The following PRKAG2 variants were observed in gnomAD, a reference collection of about 807,000 sequenced individuals.
PRKAG2 encodes protein kinase AMP-activated non-catalytic subunit gamma 2, also known as 5'-AMP-activated protein kinase subunit gamma-2.
Under a neutral mutation model 69.6 loss-of-function variants are expected in PRKAG2, and 26 were observed. The observed-to-expected ratio is 0.37, with a 90% CI of 0.27 to 0.52. PRKAG2 has a LOEUF of 0.52. Among genes scored for constraint, PRKAG2 ranks in the 20% least tolerant of loss-of-function variants. The pLI, the probability that PRKAG2 is intolerant of heterozygous loss-of-function variation, is 0.90. For synonymous variants in PRKAG2, 293 were observed against 285.0 expected (o/e 1.03, Z -0.28); for missense variants, 557 against 740.0 (o/e 0.75, Z 2.87).
Position 151,807,496 on chromosome 7 carries a change from C to G in PRKAG2, c.115-20955G>C. Reference sequence around the variant, plus strand: ...CCATGGCGTGTTACACCTATCAGATCGGGCACACTGCCCCTTCTTCCCAAC... The same window carrying G: ...CCATGGCGTGTTACACCTATCAGATGGGGCACACTGCCCCTTCTTCCCAAC... On this transcript the variant is annotated intron_variant, in intron 1 of 15. Transcript: ENST00000287878. The surrounding 1 kb of genome is among the most constrained non-coding windows in gnomAD (Gnocchi z 4.4). The G allele has an allele frequency of 2.2e-6, 1 of 457,866 alleles. No individual in the cohort carries two copies. Among genetic ancestry groups the G allele is most frequent in the Non-Finnish European group, 4.4e-6 (1 of 226,982 alleles). 28.4% of individuals were successfully genotyped at this position (457,866 alleles called of 1,614,324 possible). A position where few individuals can be genotyped will look rare whatever the true frequency, so the allele number is the denominator to read the frequency against.
intron 4 of PRKAG2, among the ~76,000 whole-genome samples, chr7:151,664,218 TG>T (rs1830708705): frequency 6.6e-6 from 1 of 152,194 alleles, no homozygotes; most frequent in Admixed American, 6.5e-5. Context: ...CCAGCTGCCT[TG>T]GTTCAAATCT....
chr7:151,865,252 C>A (rs114993348), intron 1 of PRKAG2, among the ~76,000 whole-genome samples: 1 of 152,340 alleles, frequency 6.6e-6, no homozygotes, highest in Non-Finnish European at 1.5e-5. Flanking sequence ...CCCAGTTGTC[C>A]CCGCGGCTCG....
intron 15 of PRKAG2, 73 bp downstream of exon 15, chr7:151,560,451 A>C: frequency 1.2e-6 from 2 of 1,612,966 alleles, no homozygotes; most frequent in Non-Finnish European, 1.7e-6. Flanking sequence ...TGATGGTTTA[A>C]ATGCTGCACT....
chr7:151,711,057 G>A (rs1795224114), intron 3 of PRKAG2, among the ~76,000 whole-genome samples: 1 of 152,098 alleles, frequency 6.6e-6, no homozygotes, highest in Admixed American at 6.5e-5. Flanking sequence ...AGTACTGAGA[G>A]TGCTAGACTT....
chr7:151,557,316 C>T (rs1422323052), intron 15 of PRKAG2, 84 bp from the exon 16 acceptor site: 1 of 1,612,574 alleles, frequency 6.2e-7, no homozygotes, highest in East Asian at 2.2e-5. Flanking sequence ...CTGTGTCTGG[C>T]AGTGCCTTAG....
In PRKAG2 at chr7:151,562,465, T is replaced by TTAATAATAATAA. The variant is rs137999193; in HGVS notation, c.1584+1601_1584+1612dup. On this transcript the variant is annotated intron_variant, in intron 14 of 15. Coordinates refer to ENST00000287878, the MANE Select transcript of PRKAG2 (RefSeq NM_016203.4). ...TGTTTCTGTCATAGGTTGCTTTAGG[T>TTAATAATAATAA]TAATAATAATAATAATAATAATGGC... Among the ~76,000 whole-genome samples, 232 of 149,604 alleles carry TTAATAATAATAA rather than the reference T, an allele frequency of 1.6e-3. 1 individual carries two copies. Among genetic ancestry groups the TTAATAATAATAA allele is most frequent in the African/African-American group, 5.4e-3 (221 of 40,668 alleles).
chr7:151,669,515 C>T (rs1354226352), intron 4 of PRKAG2, among the ~76,000 whole-genome samples: 2 of 152,104 alleles, frequency 1.3e-5, no homozygotes, highest in African/African-American at 2.4e-5. Flanking sequence ...CCGTTTTTTT[C>T]GATTGTCCCT....
chr7:151,581,170 A>C (rs530354761), intron 6 of PRKAG2, among the ~76,000 whole-genome samples: 1 of 152,356 alleles, frequency 6.6e-6, no homozygotes, highest in East Asian at 1.9e-4. Flanking sequence ...TCGAGTGAAG[A>C]AGGAATAAAA....
At chr7:151,661,218 C>T (rs537944786) in intron 4 of PRKAG2, among the ~76,000 whole-genome samples, 17 of 152,306 alleles carry the variant, frequency 1.1e-4, no homozygotes, top group Non-Finnish European at 2.5e-4. Context: ...CGGAGTCTTG[C>T]TCTGTCACCC....
intron 1 of PRKAG2, among the ~76,000 whole-genome samples, chr7:151,834,727 G>A (rs879519548): frequency 1.3e-5 from 2 of 152,126 alleles, no homozygotes; most frequent in Non-Finnish European, 2.9e-5. Flanking sequence ...AGTGGAGGGA[G>A]TGTGGAGGGC....
chr7:151,841,745 A>G (rs373445939), intron 1 of PRKAG2, among the ~76,000 whole-genome samples: 37 of 126,540 alleles, frequency 2.9e-4, no homozygotes, highest in Non-Finnish European at 4.0e-4. Flanking sequence ...TGGTAGTGAT[A>G]GTAGGTAGTA....
intron 3 of PRKAG2, chr7:151,736,480 A>C: frequency 1.2e-6 from 1 of 863,330 alleles, no homozygotes. Context: ...GCAGCCGTGC[A>C]TGATGTCTCT....
intron 1 of PRKAG2, among the ~76,000 whole-genome samples, chr7:151,864,573 T>C (rs1446500499): frequency 6.6e-6 from 1 of 152,230 alleles, no homozygotes; most frequent in African/African-American, 2.4e-5. Context: ...AAATACTCTA[T>C]TACCTATGCC....
chr7:151,581,857 C>G (rs1810552559), intron 6 of PRKAG2, among the ~76,000 whole-genome samples: 1 of 152,218 alleles, frequency 6.6e-6, no homozygotes, highest in Admixed American at 6.5e-5. Context: ...AATTCTCAGA[C>G]TAATCTGCTA....
At chr7:151,862,398 C>T (rs1484889204) in intron 1 of PRKAG2, among the ~76,000 whole-genome samples, 5 of 152,206 alleles carry the variant, frequency 3.3e-5, no homozygotes, top group Admixed American at 6.5e-5. Context: ...TATGTGGCTC[C>T]CACAAGATTT....
At chr7:151,707,231 G>A (rs1395603129) in intron 3 of PRKAG2, among the ~76,000 whole-genome samples, 2 of 152,182 alleles carry the variant, frequency 1.3e-5, no homozygotes, top group Non-Finnish European at 2.9e-5. Context: ...CAGGCTAGAC[G>A]GCATCCTGGC....
chr7:151,690,351 G>T (rs531255364), intron 3 of PRKAG2, among the ~76,000 whole-genome samples: 1 of 152,284 alleles, frequency 6.6e-6, no homozygotes, highest in East Asian at 1.9e-4. Context: ...ATGATCTGAG[G>T]CTCTGGAAAG....
intron 10 of PRKAG2, 49 bp from the exon 11 acceptor site, chr7:151,568,891 G>C (rs755629208): frequency 1.6e-5 from 26 of 1,607,236 alleles, no homozygotes; most frequent in Non-Finnish European, 2.0e-5. Context: ...AGAAAAATCA[G>C]AACACTTTGG....
intron 4 of PRKAG2, among the ~76,000 whole-genome samples, chr7:151,661,490 T>C (rs1341727965): frequency 1.3e-5 from 2 of 152,206 alleles, no homozygotes; most frequent in South Asian, 2.1e-4. Context: ...GGCAGAGCTG[T>C]AGAAATCGTA....
Sources: allele counts gnomAD v4.1 joint callset (sites outside exome capture counted in the v4.1 genomes callset), GRCh38; gene constraint gnomAD v4.1.1; non-coding constraint Gnocchi (gnomAD v3.1); transcripts MANE v1.5; gene names NCBI Gene and HGNC (gene_info 2026-07-23, HGNC 2026-07-21).